The following DENND6A variants were observed in gnomAD, a reference collection of about 807,000 sequenced individuals.
DENND6A encodes the protein protein DENND6A.
Under a neutral mutation model 95.5 loss-of-function variants are expected in DENND6A, and 43 were observed. The observed-to-expected ratio is 0.45, with a 90% CI of 0.35 to 0.58. DENND6A has a LOEUF of 0.58. Among genes scored for constraint, DENND6A ranks in the 20% least tolerant of loss-of-function variants. The pLI, the probability that DENND6A is intolerant of heterozygous loss-of-function variation, is 0.00. For synonymous variants in DENND6A, 257 were observed against 260.4 expected (o/e 0.99, Z 0.13); for missense variants, 574 against 736.0 (o/e 0.78, Z 2.55).
At chr3:57,680,778 A>G (rs1169213468) in intron 1 of DENND6A, among the ~76,000 whole-genome samples, 1 of 92,876 alleles carries the variant, frequency 1.1e-5, no homozygotes, top group Non-Finnish European at 2.2e-5. Context: ...AATAAAAATG[A>G]AAATGGCCAA....
intron 9 of DENND6A, 98 bp downstream of exon 9, chr3:57,657,582 T>G: frequency 1.3e-6 from 1 of 771,248 alleles, no homozygotes; most frequent in Non-Finnish European, 2.1e-6. Flanking sequence ...TTTCTTCCAA[T>G]TTTTTCCACA....
At chr3:57,664,490 A>G (rs1050021071) in intron 4 of DENND6A, among the ~76,000 whole-genome samples, 2 of 152,214 alleles carry the variant, frequency 1.3e-5, no homozygotes, top group Non-Finnish European at 2.9e-5. Flanking sequence ...AAAAAGATGC[A>G]TAAGACACAG....
chr3:57,677,258 C>G lies in DENND6A; in HGVS notation c.238-4820G>C, dbSNP rs375640290. Among the ~76,000 whole-genome samples the G allele has an allele frequency of 2.1e-4, 32 of 152,260 alleles. No homozygotes were observed. In the South Asian group the frequency reaches 6.6e-3, roughly 32 times the overall value. On this transcript the variant is annotated intron_variant, in intron 1 of 19. Coordinates refer to ENST00000311128, the MANE Select transcript of DENND6A (RefSeq NM_152678.3). The stretch of plus-strand genomic sequence containing the variant: ...ATGGCCTATCATTTTAATCAATTCT[C>G]TACAGTGAAAGACAGCAGGAAGATG...
In DENND6A at chr3:57,646,361, G is replaced by A. The variant is rs765063618; in HGVS notation, c.896C>T (p.Ala299Val). 17 of 1,613,864 alleles carry A rather than the reference G, an allele frequency of 1.1e-5. No homozygotes were observed. Among genetic ancestry groups the A allele is most frequent in the South Asian group, 3.3e-5 (3 of 91,078 alleles). The change falls in exon 10 of 20, where the codon GCG (alanine) becomes GTG (valine). Residue 299 changes from alanine to valine, a missense_variant. Physicochemically the swap from Ala to Val is moderately conservative, Grantham distance 64 (BLOSUM62 0). Coordinates refer to ENST00000311128, the MANE Select transcript of DENND6A (RefSeq NM_152678.3). ...VLLGEPLVVM[A>V]PSPSESSETV... Reference sequence around the variant, plus strand: ...CTCTGATGATTCCGATGGTGATGGCGCCATAACCACAAGGGGCTCCCCCAA... The same window carrying A: ...CTCTGATGATTCCGATGGTGATGGCACCATAACCACAAGGGGCTCCCCCAA...
chr3:57,692,221 C>T (rs896004920), intron 1 of DENND6A, among the ~76,000 whole-genome samples: 6 of 103,786 alleles, frequency 5.8e-5, no homozygotes, highest in Non-Finnish European at 1.1e-4. Context: ...AGAGCAAAAA[C>T]TCCGTCTCAA....
intron 11 of DENND6A, among the ~76,000 whole-genome samples, chr3:57,645,095 G>T (rs2071050057): frequency 6.6e-6 from 1 of 152,008 alleles, no homozygotes; most frequent in Non-Finnish European, 1.5e-5. Flanking sequence ...AGATTGAAAA[G>T]ATTTTTCATA....
intron 11 of DENND6A, 57 bp downstream of exon 11, chr3:57,645,604 C>A: frequency 7.8e-7 from 1 of 1,285,396 alleles, no homozygotes; most frequent in Non-Finnish European, 1.1e-6. Context: ...AAAAATAATT[C>A]TACACAATTT....
At chr3:57,639,543 A>T (rs181719866) in intron 12 of DENND6A, among the ~76,000 whole-genome samples, 255 of 152,296 alleles carry the variant, frequency 1.7e-3, no homozygotes, top group African/African-American at 5.7e-3. Flanking sequence ...ATTAAGATTT[A>T]AAAAAATTTA....
chr3:57,672,726 T>C (rs2071638787), intron 1 of DENND6A, among the ~76,000 whole-genome samples: 1 of 151,996 alleles, frequency 6.6e-6, no homozygotes, highest in Admixed American at 6.6e-5. Context: ...GAGATCGTAG[T>C]AAGCCGAGAT....
chr3:57,674,966 G>A (rs539026844), intron 1 of DENND6A, among the ~76,000 whole-genome samples: 2 of 152,272 alleles, frequency 1.3e-5, no homozygotes, highest in South Asian at 4.1e-4. Context: ...AGACACTGGG[G>A]TCTACTTGAT....
chr3:57,681,016 C>A (rs2077159194), intron 1 of DENND6A, among the ~76,000 whole-genome samples: 1 of 152,082 alleles, frequency 6.6e-6, no homozygotes, highest in African/African-American at 2.4e-5. Context: ...TACAGTATAG[C>A]CCTGCAATTT....
chr3:57,692,709 C>G (rs1575880348), intron 1 of DENND6A, 73 bp downstream of exon 1: 1 of 1,327,848 alleles, frequency 7.5e-7, no homozygotes, highest in Non-Finnish European at 9.7e-7. Flanking sequence ...GGTCAGCCCG[C>G]GGGCCGCTGG....
chr3:57,665,699 C>T (rs115836111), intron 4 of DENND6A, among the ~76,000 whole-genome samples: 1 of 152,132 alleles, frequency 6.6e-6, no homozygotes, highest in Non-Finnish European at 1.5e-5. Flanking sequence ...GCTGTAAGGT[C>T]ATCTGAATTA....
At chr3:57,631,047 AATGGGTCTTTTAAGTTTTTAATCAT>A in intron 15 of DENND6A, 69 bp from the exon 16 acceptor site, 1 of 1,466,048 alleles carries the variant, frequency 6.8e-7, no homozygotes, top group Non-Finnish European at 9.4e-7. Context: ...ACTTAAAAGG[AATGGGTCTTTTAAGTTTTTAATCAT>A]ATGCCCTTTC....
At chr3:57,659,802 C>A (rs1027818249) in intron 7 of DENND6A, among the ~76,000 whole-genome samples, 1 of 152,200 alleles carries the variant, frequency 6.6e-6, no homozygotes, top group Non-Finnish European at 1.5e-5. Flanking sequence ...GGTCTGACAT[C>A]ACGTGTTAAG....
At chr3:57,689,661 G>C (rs2077242997) in intron 1 of DENND6A, among the ~76,000 whole-genome samples, 1 of 152,188 alleles carries the variant, frequency 6.6e-6, no homozygotes. Flanking sequence ...TATCAGAGTA[G>C]GAACCTGCCC....
chr3:57,631,954 C>A (rs1044531061), intron 15 of DENND6A, among the ~76,000 whole-genome samples: 9 of 148,982 alleles, frequency 6.0e-5, no homozygotes, highest in African/African-American at 2.2e-4. Flanking sequence ...GATCTCCTGA[C>A]CTCGTGATCC....
At chr3:57,671,654 T>C (rs1467684174) in intron 3 of DENND6A, among the ~76,000 whole-genome samples, 2 of 152,156 alleles carry the variant, frequency 1.3e-5, no homozygotes, top group Non-Finnish European at 2.9e-5. Flanking sequence ...AAAAGCTAGT[T>C]TGAAAGTGAA....
At chr3:57,629,615 C>T (rs958329249) in intron 18 of DENND6A, among the ~76,000 whole-genome samples, 3 of 150,708 alleles carry the variant, frequency 2.0e-5, no homozygotes, top group Non-Finnish European at 4.4e-5. Context: ...GGGTTCACGC[C>T]ATTCTCCTGC....
Sources: allele counts gnomAD v4.1 joint callset (sites outside exome capture counted in the v4.1 genomes callset), GRCh38; gene constraint gnomAD v4.1.1; transcripts MANE v1.5; gene names NCBI Gene and HGNC (gene_info 2026-07-23, HGNC 2026-07-21).